The following PGBD5 variants were observed in gnomAD, a reference collection of about 807,000 sequenced individuals.
PGBD5 encodes piggyBac transposable element-derived protein 5.
In PGBD5, 14 loss-of-function variants were observed where a neutral mutation model predicts 47.9. The ratio of observed to expected loss-of-function variants is 0.29; its 90% CI spans 0.19 to 0.46. PGBD5 has a LOEUF of 0.46. PGBD5 is among the 20% of genes least tolerant of loss of function. The probability of loss-of-function intolerance (pLI) is 1.00; values close to 1 mark genes in which losing one functional copy is unlikely to be tolerated. For missense variants in PGBD5, 635 were observed against 716.0 expected, an observed-to-expected ratio of 0.89 and a Z score of 1.29; for synonymous variants, 316 against 306.3, an observed-to-expected ratio of 1.03 and a Z score of -0.33.
chr1:230,359,938 C>T (rs1667717476), intron 1 of PGBD5, among the ~76,000 whole-genome samples: 1 of 152,140 alleles, frequency 6.6e-6, no homozygotes, highest in South Asian at 2.1e-4. Flanking sequence ...GCTGGCATGA[C>T]GATGAGGCCA....
intron 1 of PGBD5, among the ~76,000 whole-genome samples, chr1:230,382,922 A>G (rs1003187828): frequency 7.1e-6 from 1 of 140,400 alleles, no homozygotes; most frequent in East Asian, 2.0e-4. Context: ...TTACTACTTC[A>G]TTGTAAGGAT....
In PGBD5 at chr1:230,316,284, C is replaced by T. The variant is rs143800340; in HGVS notation, c.*7141G>A. 142 of 153,092 alleles carry T rather than the reference C, an allele frequency of 9.3e-4. No individual in the cohort carries two copies. Among genetic ancestry groups the T allele is most frequent in the African/African-American group, 3.3e-3 (135 of 41,524 alleles). 9.5% of individuals were successfully genotyped at this position (153,092 alleles called of 1,614,324 possible). A position where few individuals can be genotyped will look rare whatever the true frequency, so the allele number is the denominator to read the frequency against. ...GGACATTGTACTTCTGATGTGGATA[C>T]GGTGATGAAGCTACAAAGTCACACT... On this transcript the variant is annotated 3_prime_UTR_variant, in exon 7 of 7. Transcript: ENST00000391860.
chr1:230,329,121 T>TGGGG (rs113648366), intron 5 of PGBD5, among the ~76,000 whole-genome samples: 1,711 of 139,540 alleles, frequency 0.012, 39 homozygotes, highest in African/African-American at 0.043. Context: ...TAATTTTTTT[T>TGGGG]TGGGGGGGGA....
intron 1 of PGBD5, among the ~76,000 whole-genome samples, chr1:230,369,558 T>C (rs1667895794): frequency 6.6e-6 from 1 of 152,200 alleles, no homozygotes; most frequent in Non-Finnish European, 1.5e-5. Context: ...AGCCCTGCTC[T>C]GATTGACCCC....
At chr1:230,370,752 C>G (rs1667915773) in intron 1 of PGBD5, among the ~76,000 whole-genome samples, 1 of 152,200 alleles carries the variant, frequency 6.6e-6, no homozygotes, top group Non-Finnish European at 1.5e-5. Flanking sequence ...GGAGACTGTG[C>G]TGTTCCAATG....
chr1:230,411,888 A>T (rs1233891930), intron 1 of PGBD5, among the ~76,000 whole-genome samples: 1 of 152,244 alleles, frequency 6.6e-6, no homozygotes, highest in African/African-American at 2.4e-5. Flanking sequence ...AATGCTAAAA[A>T]GGCATTTAAT....
At chr1:230,362,507 GC>G in intron 1 of PGBD5, 1 of 1,173,148 alleles carries the variant, frequency 8.5e-7, no homozygotes. Context: ...GCTTCATGAA[GC>G]ATCACCTTCT....
chr1:230,335,856 TAC>T (rs975528359), intron 4 of PGBD5, among the ~76,000 whole-genome samples: 11 of 96,290 alleles, frequency 1.1e-4, no homozygotes, highest in African/African-American at 4.4e-4. Flanking sequence ...GACACACAGA[TAC>T]ACACACAGAT....
chr1:230,342,716 G>T (rs1667425668), intron 3 of PGBD5, among the ~76,000 whole-genome samples: 1 of 152,160 alleles, frequency 6.6e-6, no homozygotes, highest in Admixed American at 6.5e-5. Flanking sequence ...TTCCTTATCT[G>T]TAAGGATAAC....
Position 230,400,666 on chromosome 1 carries a change from G to GTTAAATGTT in PGBD5, c.331+24931_331+24932insAACATTTAA, listed in dbSNP as rs1558212091. Among the ~76,000 whole-genome samples the GTTAAATGTT allele has an allele frequency of 4.1e-4, 54 of 131,576 alleles. 1 individual carries two copies. Among genetic ancestry groups the GTTAAATGTT allele is most frequent in the African/African-American group, 1.6e-3 (48 of 30,340 alleles). The allele number at this position is 131,576 out of a possible 152,430, so 86.3% of individuals were successfully genotyped here. A position where few individuals can be genotyped will look rare whatever the true frequency, so the allele number is the denominator to read the frequency against. ...ACTAAGAAAGAGGTTTTCTTTCTTAGAAATGTTAAATGTTAAATGTTGCAC... is the reference window on the plus strand; with the variant it reads ...ACTAAGAAAGAGGTTTTCTTTCTTAGTTAAATGTTAAATGTTAAATGTTAAATGTTGCAC... On this transcript the variant is annotated intron_variant, in intron 1 of 6. Coordinates refer to ENST00000391860, the MANE Select transcript of PGBD5 (RefSeq NM_001258311.2).
chr1:230,364,900 G>C (rs1667804226), intron 1 of PGBD5, among the ~76,000 whole-genome samples: 1 of 152,148 alleles, frequency 6.6e-6, no homozygotes, highest in Non-Finnish European at 1.5e-5. Flanking sequence ...TGTACCTGTA[G>C]TCCCAGCTAC....
intron 1 of PGBD5, among the ~76,000 whole-genome samples, chr1:230,369,526 C>T (rs1667895315): frequency 6.6e-6 from 1 of 152,200 alleles, no homozygotes; most frequent in Admixed American, 6.5e-5. Context: ...ACAGCCATGC[C>T]AGTCACCTGC....
At chr1:230,418,336 A>T (rs1277072408) in intron 1 of PGBD5, among the ~76,000 whole-genome samples, 1 of 152,218 alleles carries the variant, frequency 6.6e-6, no homozygotes, top group Non-Finnish European at 1.5e-5. Context: ...ACAGTGGCAT[A>T]CTACACTGCA....
intron 1 of PGBD5, among the ~76,000 whole-genome samples, chr1:230,414,857 T>C (rs1657483072): frequency 6.6e-6 from 1 of 152,236 alleles, no homozygotes; most frequent in Admixed American, 6.5e-5. Flanking sequence ...GAATGTCTAC[T>C]CACAGAACCT....
At chr1:230,335,783 A>G (rs201019087) in intron 4 of PGBD5, among the ~76,000 whole-genome samples, 1 of 686 alleles carries the variant, frequency 1.5e-3, no homozygotes, top group African/African-American at 5.3e-3. Context: ...AGACACACAC[A>G]CACACACAGG....
rs1416874168 is a variant in PGBD5 at position 230,320,650 on chromosome 1, C to A, written c.*2775G>T. On this transcript the variant is annotated 3_prime_UTR_variant, in exon 7 of 7. Coordinates refer to ENST00000391860, the MANE Select transcript of PGBD5 (RefSeq NM_001258311.2). Reference sequence around the variant, plus strand: ...ACTTACGATGCTCTTTCCTCATCCCCAGGGATGGCCAGCTACTCCAAAGCC... The same window carrying A: ...ACTTACGATGCTCTTTCCTCATCCCAAGGGATGGCCAGCTACTCCAAAGCC... 6.6e-6 allele frequency: 1 copy of A among 152,212 alleles called. No homozygotes were observed. Among genetic ancestry groups the A allele is most frequent in the Non-Finnish European group, 1.5e-5 (1 of 68,084 alleles). 9.4% of individuals were successfully genotyped at this position (152,212 alleles called of 1,614,324 possible).
intron 1 of PGBD5, among the ~76,000 whole-genome samples, chr1:230,422,747 A>G (rs984723657): frequency 2.0e-5 from 3 of 152,304 alleles, no homozygotes; most frequent in African/African-American, 7.2e-5. Flanking sequence ...AAACAGAAGG[A>G]AAGGGCTGGG....
chr1:230,401,894 G>A (rs1430144575), intron 1 of PGBD5, among the ~76,000 whole-genome samples: 2 of 152,184 alleles, frequency 1.3e-5, no homozygotes, highest in Non-Finnish European at 2.9e-5. Flanking sequence ...ACTGCTCCCA[G>A]GCAAGGAGAG....
At chr1:230,399,034 C>G (rs1657071309) in intron 1 of PGBD5, among the ~76,000 whole-genome samples, 1 of 144,830 alleles carries the variant, frequency 6.9e-6, no homozygotes, top group Admixed American at 6.8e-5. Context: ...AGTCTTGTTT[C>G]TTGGCAACCC....
Sources: gnomAD v4.1 joint callset for allele counts (sites outside exome capture counted in the v4.1 genomes callset) on GRCh38, gnomAD v4.1.1 for gene constraint, MANE v1.5 for transcripts, NCBI Gene and HGNC (gene_info 2026-07-23, HGNC 2026-07-21) for gene names.